Variants in GPR84 observed in about 807,000 individuals in gnomAD.
The protein encoded by GPR84 is G protein-coupled receptor 84.
GPR84 carries 8 observed loss-of-function variants against 14.9 expected under a neutral mutation model. The observed-to-expected ratio is 0.54, with a 90% CI of 0.31 to 0.97. GPR84 has a LOEUF of 0.97. GPR84 is among the 50% of genes least tolerant of loss of function. GPR84 has a pLI of 0.04. For missense variants in GPR84, 424 were observed against 498.7 expected (o/e 0.85, Z 1.43); for synonymous variants, 164 against 198.1 (o/e 0.83, Z 1.45).
the GPR84 span, among the ~76,000 whole-genome samples, chr12:54,355,526 C>T: frequency 6.6e-6 from 1 of 152,158 alleles, no homozygotes; most frequent in African/African-American, 2.4e-5. Context: ...ACTCGGCAAT[C>T]CTGGCTTTCT....
At chr12:54,354,702 C>T in the GPR84 span, among the ~76,000 whole-genome samples, 6 of 151,772 alleles carry the variant, frequency 4.0e-5, no homozygotes, top group African/African-American at 1.5e-4. Context: ...GCCTCGGCCT[C>T]CCAGAGTGCT....
At chr12:54,359,942 T>TC (rs148085822), downstream of GPR84, among the ~76,000 whole-genome samples, 5,831 of 151,288 alleles carry the variant, frequency 0.039, 393 homozygotes, top group African/African-American at 0.14. Flanking sequence ...TTTTTTTTTT[T>TC]CCCCCCAGCG....
chr12:54,360,538 C>A (rs1954258457), downstream of GPR84, among the ~76,000 whole-genome samples: 1 of 152,100 alleles, frequency 6.6e-6, no homozygotes, highest in African/African-American at 2.4e-5. Context: ...GCCTTAGTAG[C>A]CCCAGCTTGA....
chr12:54,360,366 C>T (rs2137127335), downstream of GPR84, among the ~76,000 whole-genome samples: 1 of 151,910 alleles, frequency 6.6e-6, no homozygotes, highest in East Asian at 1.9e-4. Context: ...AGAGTGTACC[C>T]CGCACCCCGC....
At chr12:54,359,139 A>G (rs373303847), downstream of GPR84, among the ~76,000 whole-genome samples, 200 of 151,820 alleles carry the variant, frequency 1.3e-3, 1 homozygote, top group African/African-American at 4.8e-3. Context: ...ACGCGGCGGG[A>G]AGGGGAGGGG....
chr12:54,359,880 A>T (rs963710056), downstream of GPR84, among the ~76,000 whole-genome samples: 6 of 150,230 alleles, frequency 4.0e-5, no homozygotes, highest in African/African-American at 1.5e-4. Flanking sequence ...TTTTGCTAAG[A>T]TCTGTCCTCT....
chr12:54,358,303 C>T (rs1954229765), downstream of GPR84, among the ~76,000 whole-genome samples: 1 of 152,030 alleles, frequency 6.6e-6, no homozygotes, highest in Non-Finnish European at 1.5e-5. Flanking sequence ...CTCGTCTGTC[C>T]CCTTGCAGAC....
Position 54,364,134 on chromosome 12 carries a change from A to G in GPR84, c.-9+259T>C, listed in dbSNP as rs966061965. The stretch of plus-strand genomic sequence containing the variant: ...TTAGTCTTATTCTGCTCCAAACCTC[A>G]GTCCTCTTCTATATCCATCCCGCTG... On this transcript the variant is annotated intron_variant, in intron 1 of 1. Transcript: ENST00000267015. The G allele has an allele frequency of 1.3e-5, 4 of 313,738 alleles. 1 individual carries two copies. In the Middle Eastern group the frequency reaches 2.6e-3, roughly 205 times the overall value. The allele number at this position is 313,738 out of a possible 1,614,324, so 19.4% of individuals were successfully genotyped here. A position where few individuals can be genotyped will look rare whatever the true frequency, so the allele number is the denominator to read the frequency against.
At chr12:54,350,920 T>C in the GPR84 span, 1 of 220,158 alleles carries the variant, frequency 4.5e-6, no homozygotes, top group Non-Finnish European at 9.4e-6. Context: ...CTGGCCCTCA[T>C]CCCAACAGCC....
chr12:54,356,030 T>A, the GPR84 span, among the ~76,000 whole-genome samples: 24,309 of 152,130 alleles, frequency 0.16, 2,206 homozygotes, highest in East Asian at 0.26. Context: ...GTTATTCTTT[T>A]ATGGATATGG....
downstream of GPR84, among the ~76,000 whole-genome samples, chr12:54,358,414 C>G (rs943971059): frequency 4.6e-5 from 7 of 152,042 alleles, no homozygotes; most frequent in Non-Finnish European, 8.8e-5. Flanking sequence ...CCCCTAAAAA[C>G]AAACAAAAAA....
chr12:54,354,109 CTCTTT>C, the GPR84 span, among the ~76,000 whole-genome samples: 52 of 151,312 alleles, frequency 3.4e-4, 1 homozygote, highest in South Asian at 2.1e-4. Context: ...CTTTTCTTTT[CTCTTT>C]TCTTTTTTTT....
In GPR84 at chr12:54,363,432, T is replaced by C; in HGVS notation, c.420A>G (p.Ala140=). ...QVFSAKGIVL[A]LVSTWVVGVA... ...CGCCCACAACCCAGGTGCTCACCAGTGCCAGCACTATCCCCTTGGCACTGA... is the reference window on the plus strand; with the variant it reads ...CGCCCACAACCCAGGTGCTCACCAGCGCCAGCACTATCCCCTTGGCACTGA... The change falls in exon 2 of 2, where the codon GCA becomes GCG. Residue 140 remains alanine, a synonymous_variant. Coordinates refer to ENST00000267015, the MANE Select transcript of GPR84 (RefSeq NM_020370.3). 1 of 1,614,056 alleles carries C rather than the reference T, an allele frequency of 6.2e-7. No homozygotes were observed. The highest frequency in any genetic ancestry group is 8.5e-7 in the Non-Finnish European group (1 of 1,179,980).
the GPR84 span, among the ~76,000 whole-genome samples, chr12:54,353,448 C>G: frequency 3.3e-5 from 5 of 150,822 alleles, no homozygotes; most frequent in East Asian, 4.0e-4. Flanking sequence ...CCCCCACCCC[C>G]CTATGTCTAT....
At chr12:54,361,590 C>T (rs547698400), downstream of GPR84, among the ~76,000 whole-genome samples, 9 of 152,186 alleles carry the variant, frequency 5.9e-5, no homozygotes, top group Admixed American at 4.6e-4. The surrounding 1 kb of genome is among the most constrained non-coding windows in gnomAD (Gnocchi z 4.3). Flanking sequence ...AGGCTGGTCT[C>T]GAACTCCTGA....
chr12:54,362,927 C>G lies in GPR84; in HGVS notation c.925G>C (p.Asp309His). 1 of 1,614,230 alleles carries G rather than the reference C, an allele frequency of 6.2e-7. No individual in the cohort carries two copies. Among genetic ancestry groups the G allele is most frequent in the Non-Finnish European group, 8.5e-7 (1 of 1,180,032 alleles). Reference sequence around the variant, plus strand: ...ACCTTCCCAAATTCCGATGAAGAATCCGGAGCTCTTCTGGCTCCTTTAATT... The same window carrying G: ...ACCTTCCCAAATTCCGATGAAGAATGCGGAGCTCTTCTGGCTCCTTTAATT... ...QPIKGARRAP[D>H]SSSEFGKVTR... is the part of the protein sequence containing the mutation. The change falls in exon 2 of 2, where the codon GAT (aspartate) becomes CAT (histidine). Residue 309 changes from aspartate to histidine, a missense_variant. By Grantham distance (81) the Asp-to-His change is moderately conservative. Coordinates refer to ENST00000267015, the MANE Select transcript of GPR84 (RefSeq NM_020370.3). This position sits in a 1 kb window ranked among gnomAD's most constrained non-coding sequence, Gnocchi z 4.0.
At chr12:54,353,047 A>C in the GPR84 span, among the ~76,000 whole-genome samples, 53 of 152,182 alleles carry the variant, frequency 3.5e-4, no homozygotes, top group African/African-American at 1.2e-3. Context: ...AGTTCTATCC[A>C]GTTCTCAAAC....
At chr12:54,364,026 C>CT (rs1411785338) in intron 1 of GPR84, 167 bp from the exon 2 acceptor site, 1 of 524,326 alleles carries the variant, frequency 1.9e-6, no homozygotes, top group African/African-American at 1.9e-5. Context: ...AGATCCCTAA[C>CT]TCTCTCCTTA....
At chr12:54,352,519 G>A in the GPR84 span, among the ~76,000 whole-genome samples, 2 of 152,112 alleles carry the variant, frequency 1.3e-5, no homozygotes, top group Admixed American at 6.5e-5. Flanking sequence ...TTTTAAGGAG[G>A]GGGGAGTGTG....
Sources: gnomAD v4.1 joint callset for allele counts (sites outside exome capture counted in the v4.1 genomes callset) on GRCh38, gnomAD v4.1.1 for gene constraint, Gnocchi (gnomAD v3.1) non-coding constraint, MANE v1.5 for transcripts, NCBI Gene and HGNC (gene_info 2026-07-23, HGNC 2026-07-21) for gene names.